PPP2R2C: variants seen among roughly 807,000 people sequenced by gnomAD.
PPP2R2C encodes protein phosphatase 2, regulatory subunit B, gamma.
In PPP2R2C, 10 loss-of-function variants were observed where a neutral mutation model predicts 45.3. The ratio of observed to expected loss-of-function variants is 0.22; its 90% confidence interval spans 0.14 to 0.37. PPP2R2C has a LOEUF of 0.37. PPP2R2C is among the 10% of genes least tolerant of loss of function. PPP2R2C has a pLI of 1.00. For missense variants in PPP2R2C, 308 were observed against 619.7 expected, an observed-to-expected ratio of 0.50 and a Z score of 5.34; for synonymous variants, 257 against 245.4, an observed-to-expected ratio of 1.05 and a Z score of -0.44.
intron 1 of PPP2R2C, chr4:6,382,679 A>T (rs62285932): frequency 5.5e-4 from 97 of 175,156 alleles, no homozygotes; most frequent in African/African-American, 4.2e-3. Context: ...TCTCTCTCAC[A>T]CACACACACA....
At chr4:6,465,349 A>C (rs1181678972) in intron 1 of PPP2R2C, among the ~76,000 whole-genome samples, 1 of 152,118 alleles carries the variant, frequency 6.6e-6, no homozygotes, top group African/African-American at 2.4e-5. Context: ...AGGAGCACGG[A>C]CATTTAATAT....
chr4:6,478,509 G>C (rs1346004464), intron 2 of PPP2R2C, among the ~76,000 whole-genome samples: 1 of 63,352 alleles, frequency 1.6e-5, no homozygotes, highest in Non-Finnish European at 3.6e-5. Flanking sequence ...GTCCTTAATT[G>C]AGTACAAATA....
intron 1 of PPP2R2C, among the ~76,000 whole-genome samples, chr4:6,437,678 G>C (rs1303688628): frequency 6.6e-6 from 1 of 152,192 alleles, no homozygotes; most frequent in Non-Finnish European, 1.5e-5. Flanking sequence ...GCACAGGAAA[G>C]GTACAGCGGC....
At chr4:6,412,078 G>GC (rs1247648518) in intron 1 of PPP2R2C, among the ~76,000 whole-genome samples, 1 of 152,168 alleles carries the variant, frequency 6.6e-6, no homozygotes, top group Non-Finnish European at 1.5e-5. Context: ...ACAGACCCTG[G>GC]CCCCAAAAGG....
chr4:6,354,494 C>T (rs1191872657), intron 5 of PPP2R2C, among the ~76,000 whole-genome samples: 1 of 152,196 alleles, frequency 6.6e-6, no homozygotes, highest in Non-Finnish European at 1.5e-5. Flanking sequence ...CTCCGTGCCC[C>T]CACACCCCTC....
At chr4:6,424,703 G>A (rs1252458406) in intron 1 of PPP2R2C, among the ~76,000 whole-genome samples, 3 of 152,182 alleles carry the variant, frequency 2.0e-5, no homozygotes, top group Non-Finnish European at 2.9e-5. Context: ...AGGCAGAGGG[G>A]CCGTGTGTGC....
exon 2 of PPP2R2C, chr4:6,535,284 C>G: frequency 6.5e-7 from 1 of 1,535,430 alleles, no homozygotes; most frequent in Non-Finnish European, 8.7e-7. Flanking sequence ...AAACTTCCAT[C>G]AGCTGAGGTG....
At chr4:6,429,867 C>T (rs902420677) in intron 1 of PPP2R2C, among the ~76,000 whole-genome samples, 3 of 152,036 alleles carry the variant, frequency 2.0e-5, no homozygotes, top group Admixed American at 2.0e-4. Flanking sequence ...GCATGGGGGC[C>T]AGCTGGATGC....
At chr4:6,542,028 C>A (rs1471200594) in intron 1 of PPP2R2C, among the ~76,000 whole-genome samples, 2 of 152,252 alleles carry the variant, frequency 1.3e-5, no homozygotes, top group Non-Finnish European at 2.9e-5. Context: ...TGTCCTTTAT[C>A]CAGGAGCTAA....
intron 2 of PPP2R2C, among the ~76,000 whole-genome samples, chr4:6,512,291 TGGC>T (rs1723631644): frequency 8.9e-6 from 1 of 112,788 alleles, no homozygotes; most frequent in Non-Finnish European, 1.9e-5. Flanking sequence ...GTGGTGATGG[TGGC>T]GGTGGTGGTG....
intron 1 of PPP2R2C, among the ~76,000 whole-genome samples, chr4:6,433,053 G>A (rs1719708413): frequency 2.6e-5 from 4 of 152,100 alleles, no homozygotes; most frequent in Admixed American, 2.6e-4. Flanking sequence ...TTAGAATACA[G>A]TATATAATAC....
intron 1 of PPP2R2C, among the ~76,000 whole-genome samples, chr4:6,394,104 A>G (rs1432996331): frequency 6.6e-6 from 1 of 152,214 alleles, no homozygotes; most frequent in South Asian, 2.1e-4. Context: ...AAGCTTGCCA[A>G]GGCTCTGCCC....
Position 6,381,970 on chromosome 4 carries a change from G to C in PPP2R2C, c.71-876C>G, listed in dbSNP as rs539682478. ...ATTCTGGGTGGCCAGCCCTGGGAGT[G>C]GGGGAGAGCAGGGGAGGACAAGGCC... On this transcript the variant is annotated intron_variant, in intron 1 of 8. Transcript: ENST00000382599. 491 of 1,454,904 alleles carry C rather than the reference G, an allele frequency of 3.4e-4. 4 individuals carry two copies. Among genetic ancestry groups the C allele is most frequent in the South Asian group, 1.2e-3 (85 of 68,346 alleles). The allele number at this position is 1,454,904 out of a possible 1,614,324, so 90.1% of individuals were successfully genotyped here. A position where few individuals can be genotyped will look rare whatever the true frequency, so the allele number is the denominator to read the frequency against.
chr4:6,531,930 G>A (rs575288638), intron 2 of PPP2R2C, among the ~76,000 whole-genome samples: 37 of 152,222 alleles, frequency 2.4e-4, no homozygotes, highest in African/African-American at 8.9e-4. Context: ...TATTCACATC[G>A]GTCTTCCCAG....
Position 6,378,318 on chromosome 4 carries a change from T to C in PPP2R2C, c.334+89A>G, listed in dbSNP as rs1264698118. On this transcript the variant is annotated intron_variant, in intron 3 of 8. Coordinates refer to ENST00000382599, the MANE Select transcript of PPP2R2C (RefSeq NM_020416.4). The surrounding 1 kb of genome is among the most constrained non-coding windows in gnomAD (Gnocchi z 5.2). ...TAGGCGTTCTGAAGACATAGAAAAA[T>C]GCTCACAATATAAGTGAAATACAAA... 1.9e-6 allele frequency: 3 copies of C among 1,581,888 alleles called. No individual in the cohort carries two copies. The highest frequency in any genetic ancestry group is 2.6e-6 in the Non-Finnish European group (3 of 1,167,136).
chr4:6,472,630 G>T (rs1475779157), upstream of PPP2R2C, among the ~76,000 whole-genome samples: 2 of 147,130 alleles, frequency 1.4e-5, no homozygotes, highest in African/African-American at 4.9e-5. Context: ...GGCTGGGGCC[G>T]CCGCCGCCGC....
rs866645090 is a variant in PPP2R2C, at chr4:6,511,459, A to T, written c.49+23812T>A. On this transcript the variant is annotated intron_variant, in intron 2 of 9. Transcript: ENST00000506140. The stretch of plus-strand genomic sequence containing the variant: ...GGTGGTGACGGTGGTGGTGGTGATG[A>T]TGACGGTGGTGGTGGTGATGGCGGT... Among the ~76,000 whole-genome samples, 9 of 57,260 alleles carry T rather than the reference A, an allele frequency of 1.6e-4. No individual in the cohort carries two copies. In the East Asian group the frequency reaches 4.7e-3, roughly 30 times the overall value. The allele number at this position is 57,260 out of a possible 152,430, so 37.6% of individuals were successfully genotyped here.
intron 1 of PPP2R2C, among the ~76,000 whole-genome samples, chr4:6,402,761 A>G (rs1717500509): frequency 6.6e-6 from 1 of 152,226 alleles, no homozygotes; most frequent in Admixed American, 6.5e-5. Context: ...GAGGCACTGC[A>G]TAACCTGAAG....
chr4:6,542,729 G>T (rs1404108712), intron 1 of PPP2R2C, among the ~76,000 whole-genome samples: 6 of 56,994 alleles, frequency 1.1e-4, no homozygotes, highest in Non-Finnish European at 4.1e-5. Flanking sequence ...AAGAAAAAAA[G>T]ATCATGCTAG....
Sources: allele counts gnomAD v4.1 joint callset (sites outside exome capture counted in the v4.1 genomes callset), GRCh38; gene constraint gnomAD v4.1.1; non-coding constraint Gnocchi (gnomAD v3.1); transcripts MANE v1.5; gene names NCBI Gene and HGNC (gene_info 2026-07-23, HGNC 2026-07-21).